EDA: variants seen among roughly 807,000 people sequenced by gnomAD.
EDA encodes the protein ectodysplasin-A.
EDA carries 2 observed loss-of-function variants against 23.6 expected under a neutral mutation model. The ratio of observed to expected loss-of-function variants is 0.08; its 90% CI spans 0.03 to 0.27. EDA has a LOEUF of 0.27. EDA is among the 10% of genes least tolerant of loss of function. The probability of loss-of-function intolerance (pLI) is 1.00; values close to 1 mark genes in which losing one functional copy is unlikely to be tolerated. For missense variants in EDA, 229 were observed against 324.2 expected (o/e 0.71, Z 2.26); for synonymous variants, 131 against 132.0 (o/e 0.99, Z 0.05).
At chrX:69,892,707 T>A (rs2017952189) in intron 1 of EDA, among the ~76,000 whole-genome samples, 1 of 112,022 alleles carries the variant, frequency 8.9e-6, no homozygotes, top group African/African-American at 3.2e-5. Flanking sequence ...AATAAAAGGT[T>A]GAACTTTTCT....
intron 1 of EDA, among the ~76,000 whole-genome samples, chrX:69,863,512 T>C (rs2017423616): frequency 3.1e-5 from 1 of 32,494 alleles, no homozygotes; most frequent in East Asian, 4.5e-4. Context: ...TATACATATA[T>C]ATGTATATAT....
intron 1 of EDA, among the ~76,000 whole-genome samples, chrX:69,908,080 A>G (rs2018205456): frequency 8.9e-6 from 1 of 111,785 alleles, no homozygotes. Flanking sequence ...ACACTTGACA[A>G]TTACTCCCAG....
At chrX:70,013,771 CATTGA>C (rs1391209462) in intron 2 of EDA, among the ~76,000 whole-genome samples, 1 of 111,515 alleles carries the variant, frequency 9.0e-6, no homozygotes, top group Non-Finnish European at 1.9e-5. Flanking sequence ...ACTGCCACTG[CATTGA>C]TACTGCCCTT....
intron 2 of EDA, among the ~76,000 whole-genome samples, chrX:70,000,418 A>G (rs186384697): frequency 4.1e-3 from 467 of 112,602 alleles, no homozygotes; most frequent in Non-Finnish European, 7.4e-3. Flanking sequence ...GTACTAGCAT[A>G]TCTTGTGTTC....
rs538739688 is a variant in EDA, at chrX:69,682,553, C to T, written c.396+65849C>T. ...CCGTTTTTTAAGCCCCTCGGAAATG[C>T]GCAGTATTCGGGTGGGAGTGACCCG... On this transcript the variant is annotated intron_variant, in intron 1 of 7. Transcript: ENST00000374552. Among the ~76,000 whole-genome samples, 143 of 112,228 alleles carry T rather than the reference C, an allele frequency of 1.3e-3. 1 individual carries two copies. The South Asian group carries it at 0.049, about 38-fold the overall frequency.
chrX:70,027,694 G>T (rs1169673364), intron 3 of EDA, among the ~76,000 whole-genome samples, 163 bp from the exon 4 acceptor site: 1 of 110,522 alleles, frequency 9.0e-6, no homozygotes, highest in African/African-American at 3.3e-5. Flanking sequence ...GCGGTGGCAC[G>T]CGCCTGTAAT....
At chrX:69,631,636 C>CT (rs774563547) in intron 1 of EDA, among the ~76,000 whole-genome samples, 3,010 of 94,491 alleles carry the variant, frequency 0.032, 45 homozygotes, top group African/African-American at 0.061. Context: ...TTTTTTTTTT[C>CT]TTTTTTTTTT....
intron 2 of EDA, among the ~76,000 whole-genome samples, chrX:69,961,539 A>G (rs987633346): frequency 1.8e-5 from 2 of 111,805 alleles, no homozygotes; most frequent in Non-Finnish European, 3.8e-5. Flanking sequence ...CAGTGGCAAT[A>G]TCCAGGGTAT....
intron 1 of EDA, among the ~76,000 whole-genome samples, chrX:69,830,907 G>A (rs2016592964): frequency 9.0e-6 from 1 of 111,549 alleles, no homozygotes; most frequent in Non-Finnish European, 1.9e-5. Context: ...CTTGAGGAGA[G>A]TAGAGGGTTC....
chrX:69,681,082 G>C (rs1399209416), intron 1 of EDA, among the ~76,000 whole-genome samples: 2 of 110,171 alleles, frequency 1.8e-5, no homozygotes, highest in Non-Finnish European at 3.8e-5. Context: ...CACTTATGAA[G>C]CTTAGTTTGG....
intron 1 of EDA, among the ~76,000 whole-genome samples, chrX:69,836,670 C>T (rs5936774): frequency 0.23 from 26,075 of 111,653 alleles, 2,333 homozygotes; most frequent in African/African-American, 0.31. Context: ...AGGGAAATCC[C>T]CCAACTCTTT....
intron 1 of EDA, among the ~76,000 whole-genome samples, chrX:69,807,119 C>T (rs748651655): frequency 1.8e-5 from 2 of 109,722 alleles, no homozygotes; most frequent in African/African-American, 3.3e-5. Flanking sequence ...GTTGGAAATG[C>T]GACTTAGAAA....
intron 1 of EDA, among the ~76,000 whole-genome samples, chrX:69,794,589 C>A (rs904912750): frequency 8.9e-6 from 1 of 112,264 alleles, no homozygotes; most frequent in South Asian, 3.7e-4. Flanking sequence ...AAAGACTCCT[C>A]TAGCTACAAT....
chrX:69,999,960 T>A (rs1306129025), intron 2 of EDA, among the ~76,000 whole-genome samples: 1 of 112,020 alleles, frequency 8.9e-6, no homozygotes, highest in Non-Finnish European at 1.9e-5. Context: ...AATATTATAT[T>A]ATATCATCAA....
chrX:69,946,586 A>C (rs2018837105), intron 1 of EDA, among the ~76,000 whole-genome samples: 2 of 111,749 alleles, frequency 1.8e-5, no homozygotes, highest in African/African-American at 6.5e-5. Context: ...TAATATTTGG[A>C]ACATTTTTGC....
intron 1 of EDA, among the ~76,000 whole-genome samples, chrX:69,713,321 T>C (rs928547868): frequency 2.7e-5 from 3 of 112,130 alleles, no homozygotes; most frequent in Admixed American, 9.5e-5. Context: ...AACTATAGTA[T>C]AATATCATGA....
intron 1 of EDA, among the ~76,000 whole-genome samples, chrX:69,862,669 T>C (rs2017404879): frequency 9.0e-6 from 1 of 111,236 alleles, no homozygotes; most frequent in Non-Finnish European, 1.9e-5. Flanking sequence ...CTAGTCAAAC[T>C]TCTGGCCTGA....
chrX:69,696,510 T>C (rs1445096764), intron 1 of EDA, among the ~76,000 whole-genome samples: 2 of 111,942 alleles, frequency 1.8e-5, no homozygotes, highest in Non-Finnish European at 3.8e-5. Flanking sequence ...CATTCTACTT[T>C]AGGATAAAAA....
At chrX:69,980,070 C>G (rs2019382402) in intron 2 of EDA, among the ~76,000 whole-genome samples, 1 of 111,470 alleles carries the variant, frequency 9.0e-6, no homozygotes, top group Non-Finnish European at 1.9e-5. Context: ...AGTCACAACT[C>G]AAGTGGCTCT....
Sources: gnomAD v4.1 joint callset for allele counts (sites outside exome capture counted in the v4.1 genomes callset) on GRCh38, gnomAD v4.1.1 for gene constraint, MANE v1.5 for transcripts, NCBI Gene and HGNC (gene_info 2026-07-23, HGNC 2026-07-21) for gene names.